MKNK1: variants seen among roughly 807,000 people sequenced by gnomAD.
The protein encoded by MKNK1 is MAP kinase-interacting serine/threonine-protein kinase 1.
In MKNK1, 30 loss-of-function variants were observed where a neutral mutation model predicts 49.3. The observed-to-expected ratio is 0.61, with a 90% CI of 0.46 to 0.83. MKNK1 has a LOEUF of 0.83. Among genes scored for constraint, MKNK1 ranks in the 40% least tolerant of loss-of-function variants. The pLI is 0.00. For missense variants in MKNK1, 423 were observed against 524.7 expected (o/e 0.81, Z 1.89); for synonymous variants, 176 against 201.7 (o/e 0.87, Z 1.08).
intron 12 of MKNK1, among the ~76,000 whole-genome samples, chr1:46,559,038 C>A (rs1247305138): frequency 1.3e-5 from 2 of 152,216 alleles, no homozygotes; most frequent in African/African-American, 4.8e-5. Context: ...GCAAGCTCCC[C>A]CTTCTCCTCA....
chr1:46,572,274 C>T lies in MKNK1; in HGVS notation c.353-107G>A, dbSNP rs1351303609. On this transcript the variant is annotated intron_variant, in intron 6 of 12. Transcript: ENST00000371945. ...TGTTACCCAGGCTGGAGAGTAGTGG[C>T]ACGATCTCGGCTCACTGCAACCTCC... The T allele has an allele frequency of 3.4e-6, 3 of 889,886 alleles. No individual in the cohort carries two copies. In the African/African-American group the frequency reaches 5.1e-5, roughly 15 times the overall value. 55.1% of individuals were successfully genotyped at this position (889,886 alleles called of 1,614,324 possible).
At chr1:46,587,725 G>A (rs1672774662) in intron 2 of MKNK1, among the ~76,000 whole-genome samples, 3 of 152,120 alleles carry the variant, frequency 2.0e-5, no homozygotes, top group South Asian at 2.1e-4. Context: ...GCTGAGGCAG[G>A]AGAATTGCTT....
At chr1:46,560,013 G>A (rs1341303704) in intron 12 of MKNK1, among the ~76,000 whole-genome samples, 2 of 152,152 alleles carry the variant, frequency 1.3e-5, no homozygotes, top group African/African-American at 4.8e-5. Context: ...GCTAGGAGGG[G>A]CCTTAAGGTG....
intron 2 of MKNK1, chr1:46,586,088 G>T (rs1197330658): frequency 5.0e-6 from 2 of 403,402 alleles, no homozygotes; most frequent in Non-Finnish European, 9.5e-6. Flanking sequence ...GTCGCTAGTT[G>T]CCCATGTGGA....
At chr1:46,586,402 T>A (rs1055745453) in intron 2 of MKNK1, 3 of 166,910 alleles carry the variant, frequency 1.8e-5, no homozygotes, top group African/African-American at 7.1e-5. Flanking sequence ...GAACTAGTAG[T>A]TGGTGCTCCA....
Position 46,557,796 on chromosome 1 carries a change from C to CAA in MKNK1, c.*777_*778dup, listed in dbSNP as rs1436996200. On this transcript the variant is annotated 3_prime_UTR_variant, in exon 13 of 13. Transcript: ENST00000371945. ...TGCATGGACATTCTAGAAAGAAGAG[C>CAA]AAGCCGTTCCACTCTCTGGGAAGTT... 8 of 152,236 alleles carry CAA rather than the reference C, an allele frequency of 5.3e-5. No individual in the cohort carries two copies. The highest frequency in any genetic ancestry group is 1.7e-4 in the African/African-American group (7 of 41,454). The allele number at this position is 152,236 out of a possible 1,614,324, so 9.4% of individuals were successfully genotyped here.
rs1342508639 is a variant in MKNK1 at position 46,589,643 on chromosome 1, C to T, written c.-3+4470G>A. Among the ~76,000 whole-genome samples the T allele has an allele frequency of 6.6e-6, 1 of 152,142 alleles. No individual in the cohort carries two copies. The highest frequency in any genetic ancestry group is 1.9e-4 in the East Asian group (1 of 5,192). On this transcript the variant is annotated intron_variant, in intron 2 of 12. Transcript: ENST00000371945. This position sits in a 1 kb window ranked among gnomAD's most constrained non-coding sequence, Gnocchi z 4.3. The stretch of plus-strand genomic sequence containing the variant: ...TGAAGGATACAGATCCAGGAATCAT[C>T]CTGGTTCCTGCAGGGGAGATTTACA...
chr1:46,580,456 C>T (rs1671564909), intron 4 of MKNK1, 74 bp downstream of exon 4: 2 of 1,034,416 alleles, frequency 1.9e-6, no homozygotes, highest in African/African-American at 1.6e-5. Context: ...TGGAATATAA[C>T]ATTTATTTGG....
chr1:46,564,827 C>A (rs757257309), intron 9 of MKNK1, among the ~76,000 whole-genome samples: 16 of 152,114 alleles, frequency 1.1e-4, no homozygotes, highest in Non-Finnish European at 2.2e-4. Context: ...AGGACCCAAC[C>A]CAACTAACAG....
In MKNK1 at chr1:46,561,606, CAT is replaced by C; in HGVS notation, c.839_840del (p.Tyr280Ter). The C allele has an allele frequency of 6.2e-7, 1 of 1,614,198 alleles. No individual in the cohort carries two copies. Among genetic ancestry groups the C allele is most frequent in the Non-Finnish European group, 8.5e-7 (1 of 1,180,018 alleles). ...KLFESIQEGK[Y>X]EFPDKDWAHI... is the part of the protein sequence containing the mutation. ...TGTGCCCAGTCCTTGTCAGGAAACT[CAT>C]ACTTGCCTTCCTGGATGCTTTCAAA... On this transcript the variant is annotated frameshift_variant, in exon 11 of 13. Transcript: ENST00000371945. LOFTEE classifies it high-confidence loss of function.
rs140743459 is a variant in MKNK1 at position 46,582,674 on chromosome 1, G to A, written c.100+554C>T. On this transcript the variant is annotated intron_variant, in intron 3 of 12. Coordinates refer to ENST00000371945, the MANE Select transcript of MKNK1 (RefSeq NM_001135553.4). Reference sequence around the variant, plus strand: ...GATAACAGGACCCACACTGAGCCTAGTGCCTCGCACACAGAGAGTGTCAAA... The same window carrying A: ...GATAACAGGACCCACACTGAGCCTAATGCCTCGCACACAGAGAGTGTCAAA... 2.7e-3 allele frequency: 950 copies of A among 356,470 alleles called. 2 individuals are homozygous for A. The highest frequency in any genetic ancestry group is 4.6e-3 in the Non-Finnish European group (837 of 180,456). The allele number at this position is 356,470 out of a possible 1,614,324, so 22.1% of individuals were successfully genotyped here.
chr1:46,594,099 A>G lies in MKNK1; in HGVS notation c.-3+14T>C, dbSNP rs1372551135. 1.3e-6 allele frequency: 2 copies of G among 1,582,348 alleles called. No individual in the cohort carries two copies. Among genetic ancestry groups the G allele is most frequent in the Admixed American group, 3.4e-5 (2 of 59,460 alleles). On this transcript the variant is annotated intron_variant, in intron 2 of 12. Coordinates refer to ENST00000371945, the MANE Select transcript of MKNK1 (RefSeq NM_001135553.4). The stretch of plus-strand genomic sequence containing the variant: ...TAATCTAAAAGGATAACTAAAATGT[A>G]CACCCAATCTTACCTATAGGTTTTT...
intron 1 of MKNK1, 102 bp from the exon 2 acceptor site, chr1:46,594,382 C>T: frequency 5.3e-6 from 3 of 571,024 alleles, no homozygotes; most frequent in Non-Finnish European, 9.5e-6. Flanking sequence ...CTATGAGTTA[C>T]CCCACTAAGT....
At chr1:46,561,139 T>C (rs910879721) in intron 11 of MKNK1, among the ~76,000 whole-genome samples, 1 of 152,214 alleles carries the variant, frequency 6.6e-6, no homozygotes, top group Admixed American at 6.5e-5. Context: ...CACTTCTGGG[T>C]GTCCTCAGCT....
At chr1:46,592,114 T>C (rs1482144023) in intron 2 of MKNK1, among the ~76,000 whole-genome samples, 1 of 152,102 alleles carries the variant, frequency 6.6e-6, no homozygotes, top group Non-Finnish European at 1.5e-5. Context: ...GTGGCAGGTG[T>C]CTCTAATCTC....
At chr1:46,572,458 T>G (rs892038425) in intron 6 of MKNK1, among the ~76,000 whole-genome samples, 1 of 151,988 alleles carries the variant, frequency 6.6e-6, no homozygotes, top group Non-Finnish European at 1.5e-5. Context: ...GACCAAGTGA[T>G]CCGCCTGCCT....
chr1:46,587,766 G>A (rs1022836895), intron 2 of MKNK1, among the ~76,000 whole-genome samples: 2 of 151,966 alleles, frequency 1.3e-5, no homozygotes, highest in Non-Finnish European at 2.9e-5. Flanking sequence ...GCGGTGAACT[G>A]AGATCGCACC....
intron 11 of MKNK1, among the ~76,000 whole-genome samples, 159 bp downstream of exon 11, chr1:46,561,319 G>C (rs1407422881): frequency 6.6e-6 from 1 of 152,196 alleles, no homozygotes. Flanking sequence ...GGGGTAACAG[G>C]AGGAGTCGAT....
At chr1:46,588,497 T>C (rs974170051) in intron 2 of MKNK1, among the ~76,000 whole-genome samples, 1 of 152,240 alleles carries the variant, frequency 6.6e-6, no homozygotes, top group African/African-American at 2.4e-5. Context: ...ACCAATGTTA[T>C]TTTTATTTTT....
Sources: gnomAD v4.1 joint callset for allele counts (sites outside exome capture counted in the v4.1 genomes callset) on GRCh38, gnomAD v4.1.1 for gene constraint, Gnocchi (gnomAD v3.1) non-coding constraint, MANE v1.5 for transcripts, NCBI Gene and HGNC (gene_info 2026-07-23, HGNC 2026-07-21) for gene names.